Variants in PRR29 observed in about 807,000 individuals in gnomAD.
PRR29 encodes the protein proline rich 29, also known as proline-rich protein 29.
PRR29 carries 20 observed loss-of-function variants against 25.1 expected under a neutral mutation model. The ratio of observed to expected loss-of-function variants is 0.80; its 90% CI spans 0.56 to 1.16. The LOEUF is 1.16. Among genes scored for constraint, PRR29 ranks in the 50% most tolerant of loss-of-function variants. The pLI is 0.00. For synonymous variants in PRR29, 108 were observed against 102.6 expected, an observed-to-expected ratio of 1.05 and a Z score of -0.32; for missense variants, 238 against 246.6, an observed-to-expected ratio of 0.97 and a Z score of 0.23.
chr17:64,002,306 G>T lies in PRR29; in HGVS notation c.*545G>T. The T allele has an allele frequency of 2.1e-6, 1 of 465,788 alleles. No individual in the cohort carries two copies. Among genetic ancestry groups the T allele is most frequent in the African/African-American group, 1.9e-5 (1 of 51,332 alleles). The allele number at this position is 465,788 out of a possible 1,614,324, so 28.9% of individuals were successfully genotyped here. A position where few individuals can be genotyped will look rare whatever the true frequency, so the allele number is the denominator to read the frequency against. ...CTCATCCCAGGAAGCAGCTCTGTTG[G>T]CAGAAAGGAGAGGTCAGAGCTTTGT... On this transcript the variant is annotated 3_prime_UTR_variant, in exon 6 of 6. Coordinates refer to ENST00000412177, the MANE Select transcript of PRR29 (RefSeq NM_001164257.2).
intron 5 of PRR29, 63 bp from the exon 6 acceptor site, chr17:64,001,670 C>A (rs1462220997): frequency 3.3e-6 from 5 of 1,528,242 alleles, no homozygotes; most frequent in Non-Finnish European, 3.5e-6. Context: ...TGTCCCCTTC[C>A]CTTTACCTCT....
chr17:64,003,992 G>A lies in PRR29; in HGVS notation c.*2231G>A. On this transcript the variant is annotated 3_prime_UTR_variant, in exon 6 of 6. Coordinates refer to ENST00000412177, the MANE Select transcript of PRR29 (RefSeq NM_001164257.2). ...GCAGGGGACAAAGGAGGGAGGTCTGGTCAGGATGGGGGTGCAGTCCCAGCA... is the reference window on the plus strand; with the variant it reads ...GCAGGGGACAAAGGAGGGAGGTCTGATCAGGATGGGGGTGCAGTCCCAGCA... 6.5e-7 allele frequency: 1 copy of A among 1,546,294 alleles called. No homozygotes were observed. The highest frequency in any genetic ancestry group is 1.4e-5 in the African/African-American group (1 of 73,578).
chr17:63,999,964 T>C (rs1910518410), intron 3 of PRR29: 1 of 152,498 alleles, frequency 6.6e-6, no homozygotes. Flanking sequence ...GGCTGAGCCT[T>C]ACTCAGCCAA....
Position 63,998,996 on chromosome 17 carries a change from C to A in PRR29, c.165C>A (p.Asn55Lys), listed in dbSNP as rs778973311. Residue 55 changes from asparagine (N) to lysine (K), a missense_variant, in exon 3 of 6, where the codon AAC becomes AAA. By Grantham distance (94) the Asn-to-Lys change is moderately conservative. Coordinates refer to ENST00000412177, the MANE Select transcript of PRR29 (RefSeq NM_001164257.2). ...TGCTGGAACTGATGATGCTGCAGAA[C>A]GCGCAGATGCACCAGCTGCTGCTGA... ...EDLLELMMLQ[N>K]AQMHQLLLSR... is the part of the protein sequence containing the mutation. 1 of 1,536,218 alleles carries A rather than the reference C, an allele frequency of 6.5e-7. No individual in the cohort carries two copies. The highest frequency in any genetic ancestry group is 1.2e-5 in the South Asian group (1 of 84,058).
chr17:63,999,387 G>A (rs1910415325), intron 3 of PRR29: 1 of 455,366 alleles, frequency 2.2e-6, no homozygotes, highest in Non-Finnish European at 4.0e-6. Context: ...CATCATGAGC[G>A]TCTGGCCTGG....
At position 64,000,905 on chromosome 17, in the gene PRR29, A is replaced by T. The variant is rs1053660139; in HGVS notation, c.244-179A>T. The T allele has an allele frequency of 3.1e-5, 19 of 604,558 alleles. No individual in the cohort carries two copies. In the Admixed American group the frequency reaches 4.8e-4, roughly 15 times the overall value. 37.4% of individuals were successfully genotyped at this position (604,558 alleles called of 1,614,324 possible). ...ATGGTCTCAATCTCCTGACCTTGTG[A>T]TCCGCCCGCCTCGGCCTCCCACAGT... is the stretch of plus-strand genomic sequence containing the variant. On this transcript the variant is annotated intron_variant, in intron 3 of 5. Transcript: ENST00000412177.
At chr17:63,999,649 G>C (rs1336092505) in intron 3 of PRR29, 4 of 166,164 alleles carry the variant, frequency 2.4e-5, no homozygotes, top group Non-Finnish European at 5.2e-5. Flanking sequence ...AGGCTGGCAG[G>C]GGCAGAGTCA....
In PRR29 at chr17:64,004,028, G is replaced by A. The variant is rs1429269462; in HGVS notation, c.*2267G>A. The A allele has an allele frequency of 2.4e-6, 3 of 1,259,010 alleles. No individual in the cohort carries two copies. The highest frequency in any genetic ancestry group is 3.3e-6 in the Non-Finnish European group (3 of 909,978). 78.0% of individuals were successfully genotyped at this position (1,259,010 alleles called of 1,614,324 possible). A position where few individuals can be genotyped will look rare whatever the true frequency, so the allele number is the denominator to read the frequency against. ...GGTGCAGTCCCAGCAGCCTCCCCCT[G>A]GCCAGGGCCATCTCCTGTCACCATG... is the stretch of plus-strand genomic sequence containing the variant. On this transcript the variant is annotated 3_prime_UTR_variant, in exon 6 of 6. Coordinates refer to ENST00000412177, the MANE Select transcript of PRR29 (RefSeq NM_001164257.2).
At chr17:64,001,443 G>C (rs1048814571) in intron 4 of PRR29, 24 bp from the exon 5 acceptor site, 2 of 1,499,182 alleles carry the variant, frequency 1.3e-6, no homozygotes, top group Non-Finnish European at 1.8e-6. Context: ...TCTGATGGGG[G>C]TCTTTTTCTT....
At position 64,003,162 on chromosome 17, in the gene PRR29, G is replaced by C; in HGVS notation, c.*1401G>C. 1 of 534,466 alleles carries C rather than the reference G, an allele frequency of 1.9e-6. No individual in the cohort carries two copies. The highest frequency in any genetic ancestry group is 3.4e-6 in the Non-Finnish European group (1 of 297,602). 33.1% of individuals were successfully genotyped at this position (534,466 alleles called of 1,614,324 possible). On this transcript the variant is annotated 3_prime_UTR_variant, in exon 6 of 6. Transcript: ENST00000412177. The stretch of plus-strand genomic sequence containing the variant: ...AGCTGGACTTCTGTGTGGCTGTGAG[G>C]GCAGATGTCCCCTTGTCAGCAGCCA...
Position 64,003,940 on chromosome 17 carries a change from G to A in PRR29, c.*2179G>A. ...CACAGCCACCAAAGTGGGTTGCAGT[G>A]TCAGGATGACCTGCCTTGGAGGCTC... is the stretch of plus-strand genomic sequence containing the variant. On this transcript the variant is annotated 3_prime_UTR_variant, in exon 6 of 6. Transcript: ENST00000412177. The A allele has an allele frequency of 6.2e-7, 1 of 1,613,428 alleles. No homozygotes were observed. Among genetic ancestry groups the A allele is most frequent in the Non-Finnish European group, 8.5e-7 (1 of 1,179,682 alleles).
chr17:64,001,571 C>T (rs970569585), intron 5 of PRR29, 34 bp downstream of exon 5: 7 of 1,497,042 alleles, frequency 4.7e-6, no homozygotes, highest in East Asian at 2.4e-5. Flanking sequence ...GGGGCCCAGG[C>T]CTGGGAGTGA....
In PRR29 at chr17:64,001,144, GA is replaced by G. The variant is rs769504229; in HGVS notation, c.305del (p.Glu102GlyfsTer15). The G allele has an allele frequency of 7.3e-5, 112 of 1,537,358 alleles. No individual in the cohort carries two copies. Among genetic ancestry groups the G allele is most frequent in the South Asian group, 5.8e-4 (49 of 84,062 alleles). Reference sequence around the variant, plus strand: ...GGAGGAGGAGGAGATGGACGTGCGGGAGAAAGGGCCTTTGGTGTTTCACCAC... The same window carrying G: ...GGAGGAGGAGGAGATGGACGTGCGGGGAAAGGGCCTTTGGTGTTTCACCAC... ...EEEEEEMDVR[E>X]KGPLVFHHHY... On this transcript the variant is annotated frameshift_variant, in exon 4 of 6. Transcript: ENST00000412177. LOFTEE classifies it high-confidence loss of function.
chr17:64,000,819 ATTTT>A (rs55731979), intron 3 of PRR29: 29 of 306,792 alleles, frequency 9.5e-5, no homozygotes, highest in East Asian at 2.6e-4. Context: ...TGCCCAGCTA[ATTTT>A]TTTTTTTTTT....
In PRR29 at chr17:63,998,797, T is replaced by TGGCCCCCCCCCCC; in HGVS notation, c.136+15_136+16insGGCCCCCCCCCCC. 6 of 1,062,602 alleles carry TGGCCCCCCCCCCC rather than the reference T, an allele frequency of 5.6e-6. No homozygotes were observed. Among genetic ancestry groups the TGGCCCCCCCCCCC allele is most frequent in the Non-Finnish European group, 7.9e-6 (6 of 761,700 alleles). 65.8% of individuals were successfully genotyped at this position (1,062,602 alleles called of 1,614,324 possible). ...CGTGAAGGAAGGTGAGACTCCCGGG[T>TGGCCCCCCCCCCC]CCCCCCACCCCACCCCCACCATCAC... On this transcript the variant is annotated intron_variant, in intron 2 of 5. Transcript: ENST00000412177.
Position 63,998,999 on chromosome 17 carries a change from G to A in PRR29, c.168G>A (p.Ala56=), listed in dbSNP as rs1005273520. ...TGGAACTGATGATGCTGCAGAACGC[G>A]CAGATGCACCAGCTGCTGCTGAGTC... ...DLLELMMLQN[A]QMHQLLLSRL... The change falls in exon 3 of 6, where the codon GCG becomes GCA. Residue 56 remains alanine, a synonymous_variant. Transcript: ENST00000412177. 5 of 1,536,126 alleles carry A rather than the reference G, an allele frequency of 3.3e-6. No individual in the cohort carries two copies. The highest frequency in any genetic ancestry group is 4.4e-6 in the Non-Finnish European group (5 of 1,146,816).
Position 64,002,901 on chromosome 17 carries a change from A to ACCAT in PRR29, c.*1142_*1145dup. ...CACCGACACCACCGTGACTATGATG[A>ACCAT]CCATCTGGCTGTCCGACACAGGCTC... On this transcript the variant is annotated 3_prime_UTR_variant, in exon 6 of 6. Coordinates refer to ENST00000412177, the MANE Select transcript of PRR29 (RefSeq NM_001164257.2). 1 of 1,613,518 alleles carries ACCAT rather than the reference A, an allele frequency of 6.2e-7. No individual in the cohort carries two copies. The highest frequency in any genetic ancestry group is 8.5e-7 in the Non-Finnish European group (1 of 1,179,772).
At chr17:64,000,625 C>T (rs973627721) in intron 3 of PRR29, among the ~76,000 whole-genome samples, 10 of 150,882 alleles carry the variant, frequency 6.6e-5, no homozygotes, top group South Asian at 2.1e-4. Context: ...CACCGCGCCC[C>T]GCCTACACAA....
At position 63,998,699 on chromosome 17, in the gene PRR29, AC is replaced by A; in HGVS notation, c.61-3del. 1.4e-6 allele frequency: 2 copies of A among 1,464,680 alleles called. No individual in the cohort carries two copies. Among genetic ancestry groups the A allele is most frequent in the Non-Finnish European group, 1.8e-6 (2 of 1,105,078 alleles). The allele number at this position is 1,464,680 out of a possible 1,614,324, so 90.7% of individuals were successfully genotyped here. A position where few individuals can be genotyped will look rare whatever the true frequency, so the allele number is the denominator to read the frequency against. ...ACCCCACCTGGCTGACTCCGCGCAC[AC>A]CCCCAGCCCTGGGTCACCTTCCTGC... On this transcript the variant is annotated splice_polypyrimidine_tract_variant and splice_region_variant and intron_variant, in intron 1 of 5. Transcript: ENST00000412177.
Sources: gnomAD v4.1 joint callset for allele counts (sites outside exome capture counted in the v4.1 genomes callset) on GRCh38, gnomAD v4.1.1 for gene constraint, MANE v1.5 for transcripts, NCBI Gene and HGNC (gene_info 2026-07-23, HGNC 2026-07-21) for gene names.